MMEL1: variants seen among roughly 807,000 people sequenced by gnomAD.
MMEL1 encodes the protein membrane metallo-endopeptidase-like 1.
In MMEL1, 98 loss-of-function variants were observed where a neutral mutation model predicts 117.1. The observed-to-expected ratio is 0.84, with a 90% CI of 0.71 to 0.99. MMEL1 has a LOEUF of 0.99. Among genes scored for constraint, MMEL1 ranks in the 50% least tolerant of loss-of-function variants. MMEL1 has a pLI of 0.00. For synonymous variants in MMEL1, 390 were observed against 415.1 expected (o/e 0.94, Z 0.74); for missense variants, 1,014 against 1,049.1 (o/e 0.97, Z 0.46).
At chr1:2,622,366 G>A (rs777866783) in intron 2 of MMEL1, among the ~76,000 whole-genome samples, 5 of 152,128 alleles carry the variant, frequency 3.3e-5, no homozygotes, top group Non-Finnish European at 5.9e-5. Context: ...TTTCTAACAG[G>A]CTCCCAGGCA....
chr1:2,609,034 T>TACACACACACACAC (rs70956312), intron 6 of MMEL1, among the ~76,000 whole-genome samples: 2 of 144,670 alleles, frequency 1.4e-5, no homozygotes. Flanking sequence ...ATCCATATAA[T>TACACACACACACAC]ACACACACAC....
At chr1:2,601,896 C>T (rs886140583) in intron 11 of MMEL1, among the ~76,000 whole-genome samples, 6 of 152,370 alleles carry the variant, frequency 3.9e-5, no homozygotes, top group Admixed American at 2.6e-4. Context: ...CACCACCCAG[C>T]ACGGGCGAGG....
intron 2 of MMEL1, among the ~76,000 whole-genome samples, chr1:2,620,098 A>G (rs1266459399): frequency 2.0e-5 from 3 of 152,244 alleles, no homozygotes; most frequent in Non-Finnish European, 4.4e-5. Flanking sequence ...CAGAATAAAT[A>G]CAAATAATTT....
At position 2,598,639 on chromosome 1, in the gene MMEL1, C is replaced by T. The variant is rs944752654; in HGVS notation, c.1178+15G>A. ...AAAGATGCTGAGGCCTTTGGAGACC[C>T]TCCCTGGGCCTCACCTGGCTGAGTA... On this transcript the variant is annotated intron_variant, in intron 12 of 23. Coordinates refer to ENST00000378412, the MANE Select transcript of MMEL1 (RefSeq NM_033467.4). 3.1e-6 allele frequency: 5 copies of T among 1,613,540 alleles called. No homozygotes were observed. The highest frequency in any genetic ancestry group is 4.2e-6 in the Non-Finnish European group (5 of 1,179,688).
chr1:2,609,311 C>T (rs1553142537), intron 6 of MMEL1, 28 bp downstream of exon 6: 11 of 1,597,670 alleles, frequency 6.9e-6, no homozygotes, highest in South Asian at 5.6e-5. Context: ...TCCCCTGCCT[C>T]GGCCCCTTCC....
At chr1:2,609,852 G>T in intron 4 of MMEL1, 21 bp from the exon 5 acceptor site, 1 of 1,588,988 alleles carries the variant, frequency 6.3e-7, no homozygotes, top group Non-Finnish European at 8.6e-7. Flanking sequence ...CCATGGCGTG[G>T]AGCAGGGAGA....
chr1:2,593,019 G>A (rs1644767582), intron 19 of MMEL1, 53 bp from the exon 20 acceptor site: 1 of 1,590,614 alleles, frequency 6.3e-7, no homozygotes, highest in Non-Finnish European at 8.6e-7. Context: ...CACTGTGCCT[G>A]GCCCCACGGC....
chr1:2,611,402 G>A lies in MMEL1; in HGVS notation c.233-62C>T. The stretch of plus-strand genomic sequence containing the variant: ...GGAGAGGGTGGGGCAGGACTGGAGT[G>A]GGTGTGGGCGGGGCAAGGTCTGGTG... On this transcript the variant is annotated intron_variant, in intron 3 of 23. Coordinates refer to ENST00000378412, the MANE Select transcript of MMEL1 (RefSeq NM_033467.4). The A allele has an allele frequency of 1.5e-6, 2 of 1,313,826 alleles. 1 individual carries two copies. Among genetic ancestry groups the A allele is most frequent in the South Asian group, 3.1e-5 (2 of 65,076 alleles). 81.4% of individuals were successfully genotyped at this position (1,313,826 alleles called of 1,614,324 possible).
At chr1:2,630,597 T>C (rs1638506476) in intron 1 of MMEL1, among the ~76,000 whole-genome samples, 1 of 146,518 alleles carries the variant, frequency 6.8e-6, no homozygotes. Context: ...GTGTGTGTCC[T>C]CGTGTGTGCA....
chr1:2,603,725 A>G (rs989206336), intron 11 of MMEL1, among the ~76,000 whole-genome samples, 159 bp downstream of exon 11: 7 of 152,196 alleles, frequency 4.6e-5, no homozygotes, highest in African/African-American at 1.7e-4. Context: ...GCTGCTCTGC[A>G]GCAAGTTTGG....
chr1:2,620,350 C>A lies in MMEL1; in HGVS notation c.155-8146G>T, dbSNP rs536905559. 3.3e-5 allele frequency among the ~76,000 whole-genome samples: 5 copies of A among 152,192 alleles called. No individual in the cohort carries two copies. In the South Asian group the frequency reaches 8.3e-4, roughly 25 times the overall value. On this transcript the variant is annotated intron_variant, in intron 2 of 23. Transcript: ENST00000378412. ...AATTAAATGATCACTGAAGGACGAG[C>A]GCTAAATAAAGTAATTTTCACATAG...
rs2296443 is a variant in MMEL1, at chr1:2,590,953, G to C, written c.*37C>G. On this transcript the variant is annotated 3_prime_UTR_variant, in exon 24 of 24. Transcript: ENST00000378412. ...CTTCGCACAGATGCCTCCGAGCAGC[G>C]GGTGGGCGTGGGCCGCACAGCGCGG... is the stretch of plus-strand genomic sequence containing the variant. The C allele has an allele frequency of 7.0e-7, 1 of 1,431,716 alleles. No homozygotes were observed. Among genetic ancestry groups the C allele is most frequent in the Non-Finnish European group, 9.3e-7 (1 of 1,079,924 alleles). 88.7% of individuals were successfully genotyped at this position (1,431,716 alleles called of 1,614,324 possible).
At chr1:2,625,278 C>G in intron 2 of MMEL1, among the ~76,000 whole-genome samples, 1 of 152,176 alleles carries the variant, frequency 6.6e-6, no homozygotes, top group East Asian at 1.9e-4. Context: ...GTGTCTCGGG[C>G]CTAGTGGGCC....
intron 2 of MMEL1, among the ~76,000 whole-genome samples, chr1:2,620,482 C>A (rs1202408364): frequency 6.6e-6 from 1 of 152,178 alleles, no homozygotes; most frequent in Non-Finnish European, 1.5e-5. Flanking sequence ...AGAGGTCTTA[C>A]CCTACAAGAT....
intron 13 of MMEL1, 74 bp from the exon 14 acceptor site, chr1:2,596,763 A>G: frequency 2.5e-6 from 4 of 1,577,416 alleles, no homozygotes; most frequent in Non-Finnish European, 3.4e-6. Flanking sequence ...CCCTGGGCTT[A>G]CGGGGTGAGC....
At chr1:2,628,147 C>T (rs1453583643) in intron 2 of MMEL1, among the ~76,000 whole-genome samples, 2 of 152,224 alleles carry the variant, frequency 1.3e-5, no homozygotes, top group Non-Finnish European at 2.9e-5. Flanking sequence ...CTGGGTTCCT[C>T]AGTGTGAGTG....
chr1:2,608,801 C>T (rs1195470611), intron 6 of MMEL1, among the ~76,000 whole-genome samples: 1 of 152,076 alleles, frequency 6.6e-6, no homozygotes, highest in Non-Finnish European at 1.5e-5. Context: ...CATGCATATA[C>T]ATATACACAT....
At chr1:2,599,226 A>C (rs771802278) in intron 11 of MMEL1, among the ~76,000 whole-genome samples, 2 of 152,266 alleles carry the variant, frequency 1.3e-5, no homozygotes, top group African/African-American at 4.8e-5. Context: ...ATGCTTTTCA[A>C]CTTGATTTAT....
At chr1:2,603,775 T>A in intron 11 of MMEL1, 109 bp downstream of exon 11, 1 of 964,256 alleles carries the variant, frequency 1.0e-6, no homozygotes, top group Non-Finnish European at 1.6e-6. Context: ...GGATGGGGAA[T>A]GTTTCTGAGC....
Sources: gnomAD v4.1 joint callset for allele counts (sites outside exome capture counted in the v4.1 genomes callset) on GRCh38, gnomAD v4.1.1 for gene constraint, MANE v1.5 for transcripts, NCBI Gene and HGNC (gene_info 2026-07-23, HGNC 2026-07-21) for gene names.